FHIT: variants seen among roughly 807,000 people sequenced by gnomAD.
FHIT encodes the protein fragile histidine triad diadenosine triphosphatase, also known as bis(5'-adenosyl)-triphosphatase.
A neutral mutation model predicts 17.9 loss-of-function variants in FHIT; 19 were observed. The ratio of observed to expected loss-of-function variants is 1.06; its 90% CI spans 0.74 to 1.56. The LOEUF (loss-of-function observed/expected upper bound fraction) is 1.56, where lower values mean the gene tolerates loss of function less well. FHIT is among the 40% of genes most tolerant of loss of function. The pLI is 0.00. For synonymous variants in FHIT, 81 were observed against 69.7 expected (o/e 1.16, Z -0.81); for missense variants, 248 against 189.2 (o/e 1.31, Z -1.82).
At chr3:60,497,747 C>A (rs1348893668) in intron 5 of FHIT, among the ~76,000 whole-genome samples, 1 of 152,094 alleles carries the variant, frequency 6.6e-6, no homozygotes. Flanking sequence ...ATAATAATTC[C>A]AGGCAATTCT....
intron 8 of FHIT, among the ~76,000 whole-genome samples, chr3:59,820,736 C>T (rs998868738): frequency 1.3e-5 from 2 of 152,128 alleles, no homozygotes; most frequent in African/African-American, 4.8e-5. Flanking sequence ...GGAAAGATCC[C>T]TATGGTCACA....
intron 3 of FHIT, among the ~76,000 whole-genome samples, chr3:61,006,571 C>G (rs959701665): frequency 3.4e-5 from 5 of 149,188 alleles, no homozygotes; most frequent in Non-Finnish European, 4.4e-5. Context: ...AAAGAAGGCA[C>G]CAAAAAAGTC....
intron 4 of FHIT, among the ~76,000 whole-genome samples, chr3:60,742,856 C>T (rs879979425): frequency 1.3e-5 from 2 of 152,198 alleles, no homozygotes; most frequent in Non-Finnish European, 2.9e-5. Context: ...AAGTCCCCTG[C>T]AGAGTAGTTC....
At chr3:61,233,594 C>T (rs995639914) in intron 1 of FHIT, among the ~76,000 whole-genome samples, 4 of 152,120 alleles carry the variant, frequency 2.6e-5, no homozygotes, top group African/African-American at 9.7e-5. Context: ...GCATTTATAA[C>T]TAGACTAGAA....
At chr3:59,847,454 G>A (rs1701763376) in intron 8 of FHIT, among the ~76,000 whole-genome samples, 2 of 151,836 alleles carry the variant, frequency 1.3e-5, no homozygotes, top group Non-Finnish European at 2.9e-5. Flanking sequence ...TCTCTTTATT[G>A]ATGTTGCCCT....
At chr3:60,332,415 G>A (rs1399921686) in intron 5 of FHIT, among the ~76,000 whole-genome samples, 1 of 152,150 alleles carries the variant, frequency 6.6e-6, no homozygotes, top group Non-Finnish European at 1.5e-5. Flanking sequence ...AGGAAAATTC[G>A]AGCAGACAGT....
intron 5 of FHIT, among the ~76,000 whole-genome samples, chr3:60,269,107 G>T (rs753571042): frequency 7.9e-5 from 12 of 152,096 alleles, no homozygotes; most frequent in Non-Finnish European, 1.5e-4. Context: ...GTTGTTAAAT[G>T]ATTTTATTTT....
chr3:61,033,666 G>A (rs1184884397), intron 3 of FHIT, among the ~76,000 whole-genome samples: 3 of 152,122 alleles, frequency 2.0e-5, no homozygotes, highest in East Asian at 3.8e-4. Context: ...ACAGACCCTG[G>A]AGACAAGTTG....
At chr3:60,537,654 G>A (rs1469797547) in intron 4 of FHIT, among the ~76,000 whole-genome samples, 2 of 152,182 alleles carry the variant, frequency 1.3e-5, no homozygotes, top group African/African-American at 4.8e-5. Flanking sequence ...TTGAGGGAAA[G>A]CCATGGGGGG....
intron 5 of FHIT, among the ~76,000 whole-genome samples, chr3:60,526,070 T>C (rs979544732): frequency 7.2e-5 from 11 of 151,976 alleles, no homozygotes; most frequent in African/African-American, 2.7e-4. Context: ...ACCACTGCAC[T>C]ATAGCTTGGA....
At chr3:60,915,826 A>G (rs1553766984) in intron 3 of FHIT, among the ~76,000 whole-genome samples, 1 of 152,210 alleles carries the variant, frequency 6.6e-6, no homozygotes, top group East Asian at 1.9e-4. Flanking sequence ...AAAAATATAC[A>G]TAGATATAAT....
chr3:60,080,314 C>T (rs1405803480), intron 5 of FHIT, among the ~76,000 whole-genome samples: 1 of 152,018 alleles, frequency 6.6e-6, no homozygotes, highest in Non-Finnish European at 1.5e-5. Flanking sequence ...AGAACCTCTG[C>T]TAGGATAGGA....
intron 5 of FHIT, among the ~76,000 whole-genome samples, chr3:60,242,683 A>G (rs1299474663): frequency 6.6e-6 from 1 of 152,072 alleles, no homozygotes; most frequent in African/African-American, 2.4e-5. Flanking sequence ...CCCGAAATAA[A>G]GACCACATCT....
intron 3 of FHIT, among the ~76,000 whole-genome samples, chr3:61,003,809 A>G (rs1050589765): frequency 6.6e-6 from 1 of 152,286 alleles, no homozygotes; most frequent in African/African-American, 2.4e-5. Context: ...GCATCTGCCT[A>G]GTTTTTCTCT....
chr3:60,400,324 A>G (rs1414793753), intron 5 of FHIT, among the ~76,000 whole-genome samples: 2 of 152,036 alleles, frequency 1.3e-5, no homozygotes, highest in African/African-American at 4.8e-5. Context: ...GGGATGGAGG[A>G]CCCTGGCAGC....
At chr3:60,668,155 G>T (rs1428139491) in intron 4 of FHIT, among the ~76,000 whole-genome samples, 1 of 151,792 alleles carries the variant, frequency 6.6e-6, no homozygotes, top group East Asian at 1.9e-4. Flanking sequence ...AGAAAAAGAG[G>T]CTTCCCTGAC....
chr3:60,350,311 T>C (rs1711023191), intron 5 of FHIT, among the ~76,000 whole-genome samples: 1 of 152,166 alleles, frequency 6.6e-6, no homozygotes, highest in African/African-American at 2.4e-5. Context: ...GAGATGGCAC[T>C]GAACTGGCAA....
At chr3:60,359,613 A>G (rs971459625) in intron 5 of FHIT, among the ~76,000 whole-genome samples, 1 of 152,196 alleles carries the variant, frequency 6.6e-6, no homozygotes, top group Non-Finnish European at 1.5e-5. Flanking sequence ...ATTCTGTGAC[A>G]GCCCATGACC....
intron 3 of FHIT, among the ~76,000 whole-genome samples, chr3:60,941,982 G>C (rs1345079893): frequency 3.3e-5 from 5 of 152,148 alleles, no homozygotes; most frequent in Middle Eastern, 6.8e-3. Context: ...ATTGTAAATA[G>C]TTTCTGTTGT....
Sources: allele counts gnomAD v4.1 joint callset (sites outside exome capture counted in the v4.1 genomes callset), GRCh38; gene constraint gnomAD v4.1.1; transcripts MANE v1.5; gene names NCBI Gene and HGNC (gene_info 2026-07-23, HGNC 2026-07-21).